TUBGCP3: variants seen among roughly 807,000 people sequenced by gnomAD.
TUBGCP3 encodes the protein tubulin gamma complex component 3.
In TUBGCP3, 50 loss-of-function variants were observed where a neutral mutation model predicts 123.1. The ratio of observed to expected loss-of-function variants is 0.41; its 90% CI spans 0.32 to 0.51. The LOEUF (loss-of-function observed/expected upper bound fraction) is 0.51. TUBGCP3 is among the 20% of genes least tolerant of loss of function. The pLI is 0.36. For missense variants in TUBGCP3, 882 were observed against 1,127.0 expected, an observed-to-expected ratio of 0.78 and a Z score of 3.11; for synonymous variants, 405 against 413.9, an observed-to-expected ratio of 0.98 and a Z score of 0.26.
intron 14 of TUBGCP3, among the ~76,000 whole-genome samples, chr13:112,521,016 T>C (rs1353902764): frequency 1.3e-5 from 2 of 152,218 alleles, no homozygotes; most frequent in South Asian, 2.1e-4. Context: ...AACATTAAGA[T>C]TGGGCACAAG....
intron 6 of TUBGCP3, among the ~76,000 whole-genome samples, chr13:112,555,701 C>G (rs1879962353): frequency 6.6e-6 from 1 of 152,158 alleles, no homozygotes; most frequent in Admixed American, 6.5e-5. Context: ...GTGACTTTTA[C>G]TGGGGGCCTA....
chr13:112,535,110 G>A (rs1877938187), intron 11 of TUBGCP3, among the ~76,000 whole-genome samples: 1 of 152,194 alleles, frequency 6.6e-6, no homozygotes, highest in African/African-American at 2.4e-5. Flanking sequence ...ACTGTAGCAA[G>A]TATCAGATTT....
chr13:112,516,471 C>T lies in TUBGCP3; in HGVS notation c.2055G>A (p.Met685Ile). 2 of 1,612,086 alleles carry T rather than the reference C, an allele frequency of 1.2e-6. No homozygotes were observed. Among genetic ancestry groups the T allele is most frequent in the Non-Finnish European group, 1.7e-6 (2 of 1,179,224 alleles). Reference sequence around the variant, plus strand: ...TGTTTCTCAGGAGCTTTGCATTGCACATGTGTCCCTTCCGTATGTCAGTGA... The same window carrying T: ...TGTTTCTCAGGAGCTTTGCATTGCATATGTGTCCCTTCCGTATGTCAGTGA... ...YILTDIRKGH[M>I]CNAKLLRNMP... is the part of the protein sequence containing the mutation. The change falls in exon 17 of 22, where the codon ATG becomes ATA. Residue 685 changes from methionine (M) to isoleucine (I), a missense_variant. Physicochemically the swap from Met to Ile is conservative, Grantham distance 10. Around this residue, in one of 3 missense-constraint regions of TUBGCP3, gnomAD observed 713 missense variants for 874.0 expected, o/e 0.82. Coordinates refer to ENST00000261965, the MANE Select transcript of TUBGCP3 (RefSeq NM_006322.6).
intron 17 of TUBGCP3, among the ~76,000 whole-genome samples, chr13:112,514,317 T>C (rs575393428): frequency 1.3e-5 from 2 of 151,612 alleles, no homozygotes; most frequent in South Asian, 4.2e-4. Flanking sequence ...TTAGAATATA[T>C]CCCCTGTAGA....
upstream of TUBGCP3, among the ~76,000 whole-genome samples, chr13:112,593,005 TAAG>T (rs369830513): frequency 3.3e-5 from 5 of 152,368 alleles, no homozygotes; most frequent in African/African-American, 4.8e-5. Context: ...GGGATGCTGC[TAAG>T]TTTTGATCGT....
intron 19 of TUBGCP3, among the ~76,000 whole-genome samples, chr13:112,501,126 G>A (rs1018247537): frequency 6.6e-6 from 1 of 152,188 alleles, no homozygotes; most frequent in East Asian, 1.9e-4. Flanking sequence ...ATGTGATCAG[G>A]GGATGCTGTT....
intron 16 of TUBGCP3, among the ~76,000 whole-genome samples, chr13:112,517,265 GC>G (rs1876213420): frequency 6.6e-6 from 1 of 152,082 alleles, no homozygotes; most frequent in South Asian, 2.1e-4. Flanking sequence ...TGATAGATTT[GC>G]CTTTTTTAAA....
intron 20 of TUBGCP3, among the ~76,000 whole-genome samples, chr13:112,493,333 A>G (rs28699692): frequency 0.33 from 29,074 of 87,024 alleles, 2,657 homozygotes; most frequent in Middle Eastern, 0.45. Flanking sequence ...ATGGCCTGGT[A>G]TGCCTGAGAC....
At chr13:112,486,669 C>T (rs1879692765) in intron 21 of TUBGCP3, among the ~76,000 whole-genome samples, 1 of 152,240 alleles carries the variant, frequency 6.6e-6, no homozygotes, top group Non-Finnish European at 1.5e-5. Context: ...GCATCGCCAT[C>T]ATCCTGTTAC....
chr13:112,507,058 G>A (rs1881353663), intron 17 of TUBGCP3, among the ~76,000 whole-genome samples: 1 of 152,194 alleles, frequency 6.6e-6, no homozygotes, highest in Non-Finnish European at 1.5e-5. Flanking sequence ...CTATTTCTCA[G>A]ATGTGATTTG....
chr13:112,519,816 C>T lies in TUBGCP3; in HGVS notation c.1881+70G>A, dbSNP rs1876461500. Reference sequence around the variant, plus strand: ...TGCCTGAAACAACATGGAAAACACTCGCTAGAACACCCCGGCCCAGTGGGT... The same window carrying T: ...TGCCTGAAACAACATGGAAAACACTTGCTAGAACACCCCGGCCCAGTGGGT... On this transcript the variant is annotated intron_variant, in intron 15 of 21. Coordinates refer to ENST00000261965, the MANE Select transcript of TUBGCP3 (RefSeq NM_006322.6). This position sits in a 1 kb window ranked among gnomAD's most constrained non-coding sequence, Gnocchi z 6.2. 6 of 1,543,270 alleles carry T rather than the reference C, an allele frequency of 3.9e-6. No individual in the cohort carries two copies. Among genetic ancestry groups the T allele is most frequent in the East Asian group, 2.3e-5 (1 of 43,006 alleles).
At chr13:112,540,680 G>A (rs1878453288) in intron 11 of TUBGCP3, among the ~76,000 whole-genome samples, 1 of 150,976 alleles carries the variant, frequency 6.6e-6, no homozygotes, top group Non-Finnish European at 1.5e-5. Context: ...ATGGTCTTGG[G>A]AAAGGACACC....
chr13:112,541,506 C>T (rs1285443475), intron 11 of TUBGCP3, among the ~76,000 whole-genome samples: 10 of 144,790 alleles, frequency 6.9e-5, no homozygotes, highest in Admixed American at 1.4e-4. Context: ...GATACCACTG[C>T]ATTCCAGCCT....
At chr13:112,492,091 CATAAAACAT>C (rs1207001889) in intron 20 of TUBGCP3, among the ~76,000 whole-genome samples, 2 of 152,324 alleles carry the variant, frequency 1.3e-5, no homozygotes, top group Non-Finnish European at 2.9e-5. Flanking sequence ...ACCTTCACTT[CATAAAACAT>C]ATCATCTTCT....
chr13:112,524,558 C>G lies in TUBGCP3; in HGVS notation c.1556-2049G>C, dbSNP rs1243499124. On this transcript the variant is annotated intron_variant, in intron 13 of 21. Transcript: ENST00000261965. This position sits in a 1 kb window ranked among gnomAD's most constrained non-coding sequence, Gnocchi z 4.4. ...TCCTTCCACCTCTTCAGTGTAGAAG[C>G]ATTTCCCCAAAATCTATATTGGATC... Among the ~76,000 whole-genome samples, 2 of 152,236 alleles carry G rather than the reference C, an allele frequency of 1.3e-5. No individual in the cohort carries two copies. Among genetic ancestry groups the G allele is most frequent in the Non-Finnish European group, 1.5e-5 (1 of 68,034 alleles).
At chr13:112,556,758 G>A (rs1252752292) in intron 5 of TUBGCP3, among the ~76,000 whole-genome samples, 3 of 152,272 alleles carry the variant, frequency 2.0e-5, no homozygotes, top group South Asian at 2.1e-4. Context: ...GTATACAAAC[G>A]TATAAAATCT....
intron 1 of TUBGCP3, among the ~76,000 whole-genome samples, chr13:112,581,501 A>G (rs900682880): frequency 2.0e-5 from 3 of 151,876 alleles, no homozygotes; most frequent in African/African-American, 7.3e-5. Flanking sequence ...GCTGGAGTGC[A>G]GTGGTAAGAT....
chr13:112,510,637 C>T (rs1373832487), intron 17 of TUBGCP3, among the ~76,000 whole-genome samples: 1 of 152,194 alleles, frequency 6.6e-6, no homozygotes, highest in Non-Finnish European at 1.5e-5. Context: ...GTTCCAAGTA[C>T]TTTCACTCAG....
At chr13:112,498,343 A>G (rs1880660717) in intron 20 of TUBGCP3, among the ~76,000 whole-genome samples, 1 of 152,166 alleles carries the variant, frequency 6.6e-6, no homozygotes, top group Admixed American at 6.5e-5. Context: ...AGGGGATGCA[A>G]GTCTACACAT....
Sources: gnomAD v4.1 joint callset for allele counts (sites outside exome capture counted in the v4.1 genomes callset) on GRCh38, gnomAD v4.1.1 for gene constraint, gnomAD v4.1.1 regional missense constraint, Gnocchi (gnomAD v3.1) non-coding constraint, MANE v1.5 for transcripts, NCBI Gene and HGNC (gene_info 2026-07-23, HGNC 2026-07-21) for gene names.